Variants in CCDC12 observed in about 807,000 individuals in gnomAD.
CCDC12 encodes coiled-coil domain containing 12.
Under a neutral mutation model 25.7 loss-of-function variants are expected in CCDC12, and 28 were observed. The ratio of observed to expected loss-of-function variants is 1.09; its 90% CI spans 0.81 to 1.50. The LOEUF is 1.50. CCDC12 is among the 40% of genes most tolerant of loss of function. The pLI is 0.00. For synonymous variants in CCDC12, 75 were observed against 87.7 expected, an observed-to-expected ratio of 0.86 and a Z score of 0.81; for missense variants, 198 against 210.0, an observed-to-expected ratio of 0.94 and a Z score of 0.35.
In CCDC12 at chr3:46,951,779, C is replaced by CAAAAAAAA. The variant is rs1198903085; in HGVS notation, c.97-10722_97-10715dup. Among the ~76,000 whole-genome samples, 12 of 13,656 alleles carry CAAAAAAAA rather than the reference C, an allele frequency of 8.8e-4. 1 individual carries two copies. The highest frequency in any genetic ancestry group is 2.5e-3 in the African/African-American group (8 of 3,252). 9.0% of individuals were successfully genotyped at this position (13,656 alleles called of 152,430 possible). On this transcript the variant is annotated intron_variant, in intron 1 of 6. Transcript: ENST00000683445. ...TGGGCGACAGAACGAGACTCCGTCTCAAAAAAAAAAAAAAAAAAAATATAT... is the reference window on the plus strand; with the variant it reads ...TGGGCGACAGAACGAGACTCCGTCTCAAAAAAAAAAAAAAAAAAAAAAAAAAAATATAT...
chr3:46,935,047 C>T (rs1023616835), intron 2 of CCDC12, among the ~76,000 whole-genome samples: 1 of 152,218 alleles, frequency 6.6e-6, no homozygotes, highest in African/African-American at 2.4e-5. Context: ...GGGCACTGGG[C>T]CAGGGCTGGG....
At chr3:46,957,336 A>G (rs1377246471) in intron 1 of CCDC12, among the ~76,000 whole-genome samples, 1 of 151,818 alleles carries the variant, frequency 6.6e-6, no homozygotes, top group East Asian at 1.9e-4. Context: ...TCATTGAGCC[A>G]TTTTCCATTT....
At chr3:46,955,370 G>C (rs1309585149) in intron 1 of CCDC12, among the ~76,000 whole-genome samples, 120 of 152,324 alleles carry the variant, frequency 7.9e-4, no homozygotes, top group Non-Finnish European at 2.6e-4. Context: ...GAAGTCAGGG[G>C]CAGGGAAGAG....
At position 46,925,534 on chromosome 3, in the gene CCDC12, C is replaced by G. The variant is rs376223547; in HGVS notation, c.166G>C (p.Glu56Gln). 67 of 1,572,844 alleles carry G rather than the reference C, an allele frequency of 4.3e-5. No homozygotes were observed. The highest frequency in any genetic ancestry group is 5.3e-5 in the Non-Finnish European group (61 of 1,154,242). ...GGGACATAGTTCCGCAGCCTAAGTT[C>G]CCTGCAAGAATAGAGGGAACAAGCA... ...EEEEEGEKHR[E>Q]LRLRNYVPED... The change falls in exon 3 of 7, where the codon GAA (glutamate) becomes CAA (glutamine). Residue 56 changes from glutamate (E) to glutamine (Q), a missense_variant and splice_region_variant. Physicochemically the swap from Glu to Gln is conservative, Grantham distance 29 (BLOSUM62 2). Transcript: ENST00000683445.
intron 1 of CCDC12, among the ~76,000 whole-genome samples, chr3:46,975,617 G>A (rs1197857262): frequency 4.4e-5 from 6 of 135,172 alleles, no homozygotes; most frequent in African/African-American, 1.6e-4. Flanking sequence ...TGCAAGCTCC[G>A]CCTCCTGGGT....
At chr3:46,974,135 AGAG>A (rs1300471521) in intron 1 of CCDC12, among the ~76,000 whole-genome samples, 1 of 152,200 alleles carries the variant, frequency 6.6e-6, no homozygotes, top group African/African-American at 2.4e-5. Flanking sequence ...TGAGGTACCT[AGAG>A]TAGTCAAATT....
rs1010775813 is a variant in CCDC12 at position 46,923,267 on chromosome 3, C to A, written c.341+62G>T. The A allele has an allele frequency of 3.3e-5, 48 of 1,434,698 alleles. No homozygotes were observed. In the African/African-American group the frequency reaches 6.1e-4, roughly 18 times the overall value. 88.9% of individuals were successfully genotyped at this position (1,434,698 alleles called of 1,614,324 possible). ...ACGGCAGGAAGGGCCAAGCCCCAGG[C>A]CCATGCTGGCACCAAGAGTCCCCGA... On this transcript the variant is annotated intron_variant, in intron 5 of 6. Transcript: ENST00000683445.
chr3:46,964,822 C>G (rs971786183), intron 1 of CCDC12, among the ~76,000 whole-genome samples: 25 of 152,046 alleles, frequency 1.6e-4, no homozygotes, highest in African/African-American at 5.6e-4. Context: ...TGCTGAAGGC[C>G]GCAGGGTCCT....
At chr3:46,937,168 G>A (rs976602996) in intron 2 of CCDC12, among the ~76,000 whole-genome samples, 1 of 152,148 alleles carries the variant, frequency 6.6e-6, no homozygotes, top group Non-Finnish European at 1.5e-5. Context: ...GGCCCCCAGG[G>A]ACACTGTGTA....
intron 1 of CCDC12, among the ~76,000 whole-genome samples, chr3:46,975,576 G>C (rs1270208956): frequency 7.4e-6 from 1 of 134,530 alleles, no homozygotes; most frequent in Non-Finnish European, 1.5e-5. Flanking sequence ...TGTCGCCCAG[G>C]CTGGAGTGCA....
chr3:46,934,928 T>A (rs1353214802), intron 2 of CCDC12, among the ~76,000 whole-genome samples: 1 of 152,220 alleles, frequency 6.6e-6, no homozygotes, highest in African/African-American at 2.4e-5. Flanking sequence ...CAAGCTGATG[T>A]CATGGATCAA....
At chr3:46,950,630 G>A (rs1259133316) in intron 1 of CCDC12, among the ~76,000 whole-genome samples, 2 of 152,112 alleles carry the variant, frequency 1.3e-5, no homozygotes, top group African/African-American at 4.8e-5. Context: ...TTTTTAAAAT[G>A]TAACAACATT....
intron 1 of CCDC12, among the ~76,000 whole-genome samples, chr3:46,975,442 G>C (rs923361564): frequency 1.3e-5 from 2 of 151,940 alleles, no homozygotes; most frequent in African/African-American, 4.8e-5. Context: ...GCCTCCCAAA[G>C]TGCGGGATTA....
chr3:46,925,409 G>T, intron 3 of CCDC12, 47 bp downstream of exon 3: 1 of 1,506,530 alleles, frequency 6.6e-7, no homozygotes, highest in Non-Finnish European at 9.2e-7. Flanking sequence ...GGTGGAGGGT[G>T]GCTGACAGTG....
At chr3:46,937,302 A>G (rs1341137214) in intron 2 of CCDC12, among the ~76,000 whole-genome samples, 2 of 152,146 alleles carry the variant, frequency 1.3e-5, no homozygotes, top group African/African-American at 4.8e-5. Context: ...TGGATTCCAG[A>G]CTTAAAAGGT....
intron 3 of CCDC12, 85 bp downstream of exon 3, chr3:46,925,371 G>C (rs1450031223): frequency 8.6e-7 from 1 of 1,164,294 alleles, no homozygotes; most frequent in South Asian, 1.3e-5. Flanking sequence ...GGTACTGCTG[G>C]TTATTCTCAG....
intron 1 of CCDC12, among the ~76,000 whole-genome samples, chr3:46,943,290 C>T (rs968457911): frequency 1.3e-5 from 2 of 152,134 alleles, no homozygotes; most frequent in African/African-American, 4.8e-5. Flanking sequence ...AAAGACTAGC[C>T]GATGAAGCAA....
At chr3:46,976,584 C>T in intron 1 of CCDC12, 53 bp downstream of exon 1, 1 of 1,573,432 alleles carries the variant, frequency 6.4e-7, no homozygotes, top group Non-Finnish European at 8.6e-7. Context: ...AAGCGCGACC[C>T]GGACCCCGAA....
In CCDC12 at chr3:46,922,235, C is replaced by T. The variant is rs1411785299; in HGVS notation, c.418+1G>A. The T allele has an allele frequency of 5.6e-6, 9 of 1,614,160 alleles. No individual in the cohort carries two copies. The highest frequency in any genetic ancestry group is 1.7e-5 in the Admixed American group (1 of 60,018). On this transcript the variant is annotated splice_donor_variant, in intron 6 of 6. Transcript: ENST00000683445. LOFTEE classifies it high-confidence loss of function. The stretch of plus-strand genomic sequence containing the variant: ...CCCACCTTCCCAGGCACTGCACTTA[C>T]GGATCAGCTCGGCAATGGCCCTCTG...
Sources: allele counts gnomAD v4.1 joint callset (sites outside exome capture counted in the v4.1 genomes callset), GRCh38; gene constraint gnomAD v4.1.1; transcripts MANE v1.5; gene names NCBI Gene and HGNC (gene_info 2026-07-23, HGNC 2026-07-21).